The following TTC14 variants were observed in gnomAD, a reference collection of about 807,000 sequenced individuals.
The protein encoded by TTC14 is tetratricopeptide repeat domain 14, also known as tetratricopeptide repeat protein 14.
TTC14 carries 63 observed loss-of-function variants against 79.9 expected under a neutral mutation model. The ratio of observed to expected loss-of-function variants is 0.79; its 90% CI spans 0.64 to 0.97. TTC14 has a LOEUF of 0.97. Ranked by LOEUF, TTC14 falls within the 50% of genes least tolerant of loss-of-function variation. The pLI is 0.00. For missense variants in TTC14, 895 were observed against 894.0 expected (o/e 1.00, Z -0.01); for synonymous variants, 335 against 309.6 (o/e 1.08, Z -0.86).
downstream of TTC14, among the ~76,000 whole-genome samples, chr3:180,611,334 A>T (rs1485301504): frequency 6.6e-6 from 1 of 152,256 alleles, no homozygotes; most frequent in African/African-American, 2.4e-5. Flanking sequence ...TTTAGCAAAA[A>T]CATAGCAGTA....
exon 13 of TTC14, chr3:180,617,564 G>T: frequency 1.7e-6 from 1 of 581,382 alleles, no homozygotes; most frequent in Non-Finnish European, 3.1e-6. Context: ...CTGACCACGG[G>T]TAGGCTTAGG....
chr3:180,602,740 G>A, intron 1 of TTC14, 151 bp from the exon 2 acceptor site: 1 of 935,964 alleles, frequency 1.1e-6, no homozygotes, highest in South Asian at 1.9e-5. Context: ...TGGTTAATGA[G>A]GGAATGCCTA....
At chr3:180,602,785 A>C (rs1450058315) in intron 1 of TTC14, 106 bp from the exon 2 acceptor site, 2 of 1,304,170 alleles carry the variant, frequency 1.5e-6, no homozygotes, top group Admixed American at 2.6e-5. Context: ...TATTGTCTGC[A>C]GCTTAGGATG....
In TTC14 at chr3:180,603,212, T is replaced by A; in HGVS notation, c.375T>A (p.Arg125=). 6.2e-7 allele frequency: 1 copy of A among 1,614,016 alleles called. No individual in the cohort carries two copies. Among genetic ancestry groups the A allele is most frequent in the Non-Finnish European group, 8.5e-7 (1 of 1,179,996 alleles). ...AGCTGTTTTTCCGAGATATTGAGCG[T>A]GGTGATATAGTGATTGGAAGAATTA... ...RRELFFRDIE[R]GDIVIGRISS... is the part of the protein sequence containing the mutation. Residue 125 remains arginine, a synonymous_variant, in exon 3 of 12, where the codon CGT becomes CGA. Transcript: ENST00000296015.
Position 180,610,736 on chromosome 3 carries a change from A to G in TTC14, c.*194A>G. On this transcript the variant is annotated 3_prime_UTR_variant, in exon 12 of 12. Transcript: ENST00000296015. ...GGTCCCTTGTCACAGCTTGGTTTTT[A>G]GACTTTTTATGTATATGTTTATGTA... The G allele has an allele frequency of 7.7e-7, 1 of 1,296,748 alleles. No homozygotes were observed. 80.3% of individuals were successfully genotyped at this position (1,296,748 alleles called of 1,614,324 possible). A position where few individuals can be genotyped will look rare whatever the true frequency, so the allele number is the denominator to read the frequency against.
At chr3:180,602,827 A>T in intron 1 of TTC14, 64 bp from the exon 2 acceptor site, 2 of 1,525,442 alleles carry the variant, frequency 1.3e-6, no homozygotes, top group Non-Finnish European at 1.8e-6. Flanking sequence ...CCATAAGCAG[A>T]AGGTTAGAAG....
chr3:180,604,733 C>CA, intron 5 of TTC14, 119 bp from the exon 6 acceptor site: 1 of 1,406,746 alleles, frequency 7.1e-7, no homozygotes. Context: ...ATAATATTGC[C>CA]ACACCATCTT....
chr3:180,605,072 T>G (rs1224429120), intron 6 of TTC14, 65 bp downstream of exon 6: 9 of 1,511,880 alleles, frequency 6.0e-6, no homozygotes, highest in Non-Finnish European at 7.1e-6. Context: ...AAGCTGCGTT[T>G]AGCTGAAGGA....
At position 180,608,770 on chromosome 3, in the gene TTC14, A is replaced by AG; in HGVS notation, c.1361dup (p.Ser454ArgfsTer7). The AG allele has an allele frequency of 6.4e-7, 1 of 1,562,420 alleles. No individual in the cohort carries two copies. The highest frequency in any genetic ancestry group is 8.6e-7 in the Non-Finnish European group (1 of 1,158,552). ...GCAGAAAACAAAGAAAATAGAAACA[A>AG]GTGCAGAAAAGTTGCGTAAGCTCTT... is the stretch of plus-strand genomic sequence containing the variant. On this transcript the variant is annotated frameshift_variant, in exon 11 of 12. Coordinates refer to ENST00000296015, the MANE Select transcript of TTC14 (RefSeq NM_133462.4). LOFTEE classifies it high-confidence loss of function.
intron 11 of TTC14, chr3:180,609,347 C>A (rs1576923620): frequency 9.6e-7 from 1 of 1,040,998 alleles, no homozygotes; most frequent in Non-Finnish European, 1.2e-6. Context: ...AAGTTGAGTT[C>A]TCCTTTATGT....
Position 180,610,243 on chromosome 3 carries a change from C to T in TTC14, c.2014C>T (p.Pro672Ser), listed in dbSNP as rs372812869. 9.3e-6 allele frequency: 15 copies of T among 1,613,824 alleles called. No homozygotes were observed. The African/African-American group carries it at 1.7e-4, about 19-fold the overall frequency. ...EPGSVRHSTS[P>S]ASSEYSWKSV... The stretch of plus-strand genomic sequence containing the variant: ...AGGTTCTGTGAGGCATTCTACCTCA[C>T]CAGCAAGCTCAGAATACTCTTGGAA... Residue 672 changes from proline to serine, a missense_variant, in exon 12 of 12, where the codon CCA becomes TCA. Coordinates refer to ENST00000296015, the MANE Select transcript of TTC14 (RefSeq NM_133462.4).
intron 6 of TTC14, 171 bp downstream of exon 6, chr3:180,605,178 T>A: frequency 1.9e-6 from 1 of 536,326 alleles, no homozygotes; most frequent in Non-Finnish European, 3.2e-6. Context: ...GTCTTATCAG[T>A]GATTAATATG....
At chr3:180,602,717 T>G (rs1056652707) in intron 1 of TTC14, 174 bp from the exon 2 acceptor site, 3 of 800,596 alleles carry the variant, frequency 3.7e-6, no homozygotes, top group Non-Finnish European at 5.7e-6. Context: ...TTCCCCGCTC[T>G]CCACCTCCAG....
At position 180,604,596 on chromosome 3, in the gene TTC14, T is replaced by C; in HGVS notation, c.690T>C (p.Pro230=). The C allele has an allele frequency of 1.2e-6, 2 of 1,600,614 alleles. No individual in the cohort carries two copies. The highest frequency in any genetic ancestry group is 8.5e-7 in the Non-Finnish European group (1 of 1,176,390). Residue 230 remains proline, a synonymous_variant, in exon 5 of 12, where the codon CCT becomes CCC. Coordinates refer to ENST00000296015, the MANE Select transcript of TTC14 (RefSeq NM_133462.4). Reference sequence around the variant, plus strand: ...GTGTAATTAGCTCTGAAGAGCTTCCTTTATACTACAGGTAATTTATCCGTA... The same window carrying C: ...GTGTAATTAGCTCTGAAGAGCTTCCCTTATACTACAGGTAATTTATCCGTA... ...KLGVISSEEL[P]LYYRRSVELN...
At chr3:180,607,558 A>AG in intron 9 of TTC14, 90 bp from the exon 10 acceptor site, 1 of 1,407,844 alleles carries the variant, frequency 7.1e-7, no homozygotes, top group East Asian at 2.4e-5. Flanking sequence ...TTTCCCTAAT[A>AG]AGCTCTCTCA....
chr3:180,606,432 A>G, intron 8 of TTC14, 49 bp from the exon 9 acceptor site: 2 of 1,613,104 alleles, frequency 1.2e-6, no homozygotes, highest in Admixed American at 1.7e-5. Flanking sequence ...AACAAGATTT[A>G]TGAAGAGCTT....
intron 1 of TTC14, 31 bp downstream of exon 1, chr3:180,602,453 G>A (rs1257218935): frequency 4.5e-6 from 7 of 1,572,280 alleles, no homozygotes; most frequent in Non-Finnish European, 6.0e-6. Flanking sequence ...CTGCGCCACG[G>A]AAGAGGGGAC....
Position 180,604,252 on chromosome 3 carries a change from T to A in TTC14, c.514T>A (p.Ser172Thr). 1 of 1,613,638 alleles carries A rather than the reference T, an allele frequency of 6.2e-7. No individual in the cohort carries two copies. The highest frequency in any genetic ancestry group is 8.5e-7 in the Non-Finnish European group (1 of 1,179,764). ...TCTTTGTCCCTTAAGAGATGTGCCTTCTCACAGTAACCATGGGGATCCTTT... is the reference window on the plus strand; with the variant it reads ...TCTTTGTCCCTTAAGAGATGTGCCTACTCACAGTAACCATGGGGATCCTTT... ...TALCPLRDVP[S>T]HSNHGDPLSY... The change falls in exon 4 of 12, where the codon TCT (serine) becomes ACT (threonine). Residue 172 changes from serine (S) to threonine (T), a missense_variant. By Grantham distance (58) the Ser-to-Thr change is moderately conservative. Coordinates refer to ENST00000296015, the MANE Select transcript of TTC14 (RefSeq NM_133462.4).
chr3:180,610,495 CAGAT>C lies in TTC14; in HGVS notation c.2269_2272del (p.Ile757LeufsTer39). On this transcript the variant is annotated frameshift_variant, in exon 12 of 12. Coordinates refer to ENST00000296015, the MANE Select transcript of TTC14 (RefSeq NM_133462.4). LOFTEE classifies it high-confidence loss of function. ...TCAGAATTTACTGAATATATTTAAT[CAGAT>C]AGCTGAATTTGAAAAAGAAAAAGGA... is the stretch of plus-strand genomic sequence containing the variant. 7.6e-6 allele frequency: 12 copies of C among 1,586,660 alleles called. No homozygotes were observed. The highest frequency in any genetic ancestry group is 3.5e-5 in the South Asian group (3 of 85,452).
Sources: allele counts gnomAD v4.1 joint callset (sites outside exome capture counted in the v4.1 genomes callset), GRCh38; gene constraint gnomAD v4.1.1; transcripts MANE v1.5; gene names NCBI Gene and HGNC (gene_info 2026-07-23, HGNC 2026-07-21).